The following EPM2AIP1 variants were observed in gnomAD, a reference collection of about 807,000 sequenced individuals.
EPM2AIP1 encodes the protein EPM2A interacting protein 1.
In EPM2AIP1, 23 loss-of-function variants were observed where a neutral mutation model predicts 44.8. The ratio of observed to expected loss-of-function variants is 0.51; its 90% CI spans 0.37 to 0.73. EPM2AIP1 has a LOEUF of 0.73. Ranked by LOEUF, EPM2AIP1 falls within the 30% of genes least tolerant of loss-of-function variation. The pLI, the probability that EPM2AIP1 is intolerant of heterozygous loss-of-function variation, is 0.00. For missense variants in EPM2AIP1, 652 were observed against 743.9 expected, an observed-to-expected ratio of 0.88 and a Z score of 1.44; for synonymous variants, 311 against 284.3, an observed-to-expected ratio of 1.09 and a Z score of -0.94.
At position 36,988,991 on chromosome 3, in the gene EPM2AIP1, T is replaced by TC. The variant is rs905316600; in HGVS notation, c.*2262_*2263insG. The stretch of plus-strand genomic sequence containing the variant: ...AAAATACACTTTTTTCTTTTTCTTT[T>TC]TTTTTTTTTTTTTTTACAAACAAGA... On this transcript the variant is annotated 3_prime_UTR_variant, in exon 1 of 1. Coordinates refer to ENST00000322716, the MANE Select transcript of EPM2AIP1 (RefSeq NM_014805.4). The TC allele has an allele frequency of 2.0e-5, 3 of 149,172 alleles. No individual in the cohort carries two copies. The highest frequency in any genetic ancestry group is 3.0e-5 in the Non-Finnish European group (2 of 67,208). The allele number at this position is 149,172 out of a possible 1,614,324, so 9.2% of individuals were successfully genotyped here.
chr3:36,991,731 C>A lies in EPM2AIP1; in HGVS notation c.1347G>T (p.Lys449Asn). The A allele has an allele frequency of 1.2e-6, 2 of 1,613,438 alleles. No homozygotes were observed. Among genetic ancestry groups the A allele is most frequent in the Non-Finnish European group, 1.7e-6 (2 of 1,179,766 alleles). ...EVVDELKQQN[K>N]EDEKIFDPDR... ...CAGGATCAAATATTTTTTCATCTTC[C>A]TTATTTTGCTGTTTTAGCTCATCAA... Residue 449 changes from lysine to asparagine, a missense_variant, in exon 1 of 1, where the codon AAG becomes AAT. Coordinates refer to ENST00000322716, the MANE Select transcript of EPM2AIP1 (RefSeq NM_014805.4).
rs71091694 is a variant in EPM2AIP1, at chr3:36,988,987, CTTTTTTTTTTTT to C, written c.*2255_*2266del. On this transcript the variant is annotated 3_prime_UTR_variant, in exon 1 of 1. Transcript: ENST00000322716. ...CAGTAAAATACACTTTTTTCTTTTT[CTTTTTTTTTTTT>C]TTTTTTTACAAACAAGACTAGCTTA... The C allele has an allele frequency of 6.1e-5, 7 of 115,044 alleles. No homozygotes were observed. The highest frequency in any genetic ancestry group is 9.0e-5 in the Non-Finnish European group (5 of 55,680). 7.1% of individuals were successfully genotyped at this position (115,044 alleles called of 1,614,324 possible).
In EPM2AIP1 at chr3:36,991,032, C is replaced by G; in HGVS notation, c.*222G>C. The G allele has an allele frequency of 8.1e-7, 1 of 1,236,740 alleles. No homozygotes were observed. Among genetic ancestry groups the G allele is most frequent in the Non-Finnish European group, 1.0e-6 (1 of 988,042 alleles). 76.6% of individuals were successfully genotyped at this position (1,236,740 alleles called of 1,614,324 possible). On this transcript the variant is annotated 3_prime_UTR_variant, in exon 1 of 1. Transcript: ENST00000322716. ...ATCATAAAAGACAATGACTTTGTCA[C>G]TAAACTAAGTTTTAAAAAAGGTGGC...
rs2080819146 is a variant in EPM2AIP1 at position 36,992,045 on chromosome 3, C to G, written c.1033G>C (p.Gly345Arg). 1 of 1,613,970 alleles carries G rather than the reference C, an allele frequency of 6.2e-7. No individual in the cohort carries two copies. Among genetic ancestry groups the G allele is most frequent in the Non-Finnish European group, 8.5e-7 (1 of 1,179,888 alleles). ...GAGAATATTAGTTTTAAAGTTTTCC[C>G]TCTCCTAAGCCAATTGTTCAGACAT... ...GRCLNNWLRRGKTLKLIFSLR... is the reference protein window; with the variant it reads ...GRCLNNWLRRRKTLKLIFSLR... Residue 345 changes from glycine (G) to arginine (R), a missense_variant, in exon 1 of 1, where the codon GGG (glycine) becomes CGG (arginine). Transcript: ENST00000322716. The surrounding 1 kb of genome is among the most constrained non-coding windows in gnomAD (Gnocchi z 5.3).
chr3:36,992,967 G>A lies in EPM2AIP1; in HGVS notation c.111C>T (p.Ala37=), dbSNP rs761025289. The change falls in exon 1 of 1, where the codon GCC becomes GCT. Residue 37 remains alanine (A), a synonymous_variant. Coordinates refer to ENST00000322716, the MANE Select transcript of EPM2AIP1 (RefSeq NM_014805.4). This position sits in a 1 kb window ranked among gnomAD's most constrained non-coding sequence, Gnocchi z 5.3. ...LVVEPPEGDG[A]LCLVCRRLIV... is the part of the protein sequence containing the mutation. The stretch of plus-strand genomic sequence containing the variant: ...TGAGGCGGCGACAGACCAGGCACAG[G>A]GCCCCATCGCCCTCCGGAGGCTCCA... 1 of 1,613,070 alleles carries A rather than the reference G, an allele frequency of 6.2e-7. No homozygotes were observed. Among genetic ancestry groups the A allele is most frequent in the East Asian group, 2.2e-5 (1 of 44,890 alleles).
rs1354800047 is a variant in EPM2AIP1, at chr3:36,988,997, T to C, written c.*2257A>G. ...CACTTTTTTCTTTTTCTTTTTTTTTTTTTTTTTTTACAAACAAGACTAGCT... is the reference window on the plus strand; with the variant it reads ...CACTTTTTTCTTTTTCTTTTTTTTTCTTTTTTTTTACAAACAAGACTAGCT... On this transcript the variant is annotated 3_prime_UTR_variant, in exon 1 of 1. Coordinates refer to ENST00000322716, the MANE Select transcript of EPM2AIP1 (RefSeq NM_014805.4). 1 of 150,426 alleles carries C rather than the reference T, an allele frequency of 6.6e-6. No homozygotes were observed. Among genetic ancestry groups the C allele is most frequent in the African/African-American group, 2.4e-5 (1 of 41,150 alleles). The allele number at this position is 150,426 out of a possible 1,614,324, so 9.3% of individuals were successfully genotyped here.
Position 36,989,352 on chromosome 3 carries a change from A to C in EPM2AIP1, c.*1902T>G, listed in dbSNP as rs1009788020. The C allele has an allele frequency of 6.6e-6, 1 of 151,864 alleles. No individual in the cohort carries two copies. Among genetic ancestry groups the C allele is most frequent in the Non-Finnish European group, 1.5e-5 (1 of 67,968 alleles). 9.4% of individuals were successfully genotyped at this position (151,864 alleles called of 1,614,324 possible). A position where few individuals can be genotyped will look rare whatever the true frequency, so the allele number is the denominator to read the frequency against. On this transcript the variant is annotated 3_prime_UTR_variant, in exon 1 of 1. Coordinates refer to ENST00000322716, the MANE Select transcript of EPM2AIP1 (RefSeq NM_014805.4). The stretch of plus-strand genomic sequence containing the variant: ...GATATGTAAGCTTACTCTATTAACC[A>C]AAATCTCAGCTTGACCATTCTTGAT...
At position 36,991,231 on chromosome 3, in the gene EPM2AIP1, T is replaced by A. The variant is rs750988180; in HGVS notation, c.*23A>T. The stretch of plus-strand genomic sequence containing the variant: ...TTTAGAATTAAATTCTTGTTGAGTT[T>A]TTCAATCTTGTACTACAAAGCCTTA... On this transcript the variant is annotated 3_prime_UTR_variant, in exon 1 of 1. Coordinates refer to ENST00000322716, the MANE Select transcript of EPM2AIP1 (RefSeq NM_014805.4). 2.6e-6 allele frequency: 4 copies of A among 1,521,678 alleles called. No individual in the cohort carries two copies. The African/African-American group carries it at 5.6e-5, about 21-fold the overall frequency. 94.3% of individuals were successfully genotyped at this position (1,521,678 alleles called of 1,614,324 possible).
rs754124625 is a variant in EPM2AIP1, at chr3:36,991,265, AT to A, written c.1812del (p.Glu604AspfsTer8). On this transcript the variant is annotated frameshift_variant, in exon 1 of 1. Transcript: ENST00000322716. LOFTEE classifies it high-confidence loss of function. ...TGTACTACAAAGCCTTATGGATTAG[AT>A]TCATTTCTTTCTCTCACAAGGTCAT... ...GWDDLVRERNESNP is the reference protein window; with the variant it reads ...GWDDLVRERNXSNP The A allele has an allele frequency of 5.6e-6, 9 of 1,604,996 alleles. No homozygotes were observed. In the Middle Eastern group the frequency reaches 1.0e-3, roughly 178 times the overall value.
At position 36,989,234 on chromosome 3, in the gene EPM2AIP1, T is replaced by C. The variant is rs1257121401; in HGVS notation, c.*2020A>G. The C allele has an allele frequency of 6.6e-6, 1 of 151,880 alleles. No individual in the cohort carries two copies. Among genetic ancestry groups the C allele is most frequent in the Non-Finnish European group, 1.5e-5 (1 of 67,926 alleles). The allele number at this position is 151,880 out of a possible 1,614,324, so 9.4% of individuals were successfully genotyped here. A position where few individuals can be genotyped will look rare whatever the true frequency, so the allele number is the denominator to read the frequency against. Reference sequence around the variant, plus strand: ...GTCTTCCAGTCTTTCTCTCAAGTAATAAAGCTCTGCTGTGAATATTCAAAG... The same window carrying C: ...GTCTTCCAGTCTTTCTCTCAAGTAACAAAGCTCTGCTGTGAATATTCAAAG... On this transcript the variant is annotated 3_prime_UTR_variant, in exon 1 of 1. Transcript: ENST00000322716.
In EPM2AIP1 at chr3:36,985,350, T is replaced by C. The variant is rs1248836539; in HGVS notation, c.*5904A>G. The stretch of plus-strand genomic sequence containing the variant: ...GACACCTACTGAAGTGCTAGAAATA[T>C]TCTATATTTTGACCTGGGTGGTGCA... On this transcript the variant is annotated 3_prime_UTR_variant, in exon 1 of 1. Transcript: ENST00000322716. The C allele has an allele frequency of 1.3e-5, 2 of 152,170 alleles. No homozygotes were observed. The highest frequency in any genetic ancestry group is 4.8e-5 in the African/African-American group (2 of 41,432). The allele number at this position is 152,170 out of a possible 1,614,324, so 9.4% of individuals were successfully genotyped here.
Position 36,992,623 on chromosome 3 carries a change from T to C in EPM2AIP1, c.455A>G (p.Gln152Arg), listed in dbSNP as rs767009328. 5 of 1,613,952 alleles carry C rather than the reference T, an allele frequency of 3.1e-6. No homozygotes were observed. The highest frequency in any genetic ancestry group is 1.3e-5 in the African/African-American group (1 of 74,946). ...ATTCCTGTCAATGCTCAGGATCCTC[T>C]GCCTTGTGATATCTGGAGATAAGTC... is the stretch of plus-strand genomic sequence containing the variant. ...GVDLSPDITR[Q>R]RILSIDRNLR... is the part of the protein sequence containing the mutation. The change falls in exon 1 of 1, where the codon CAG (glutamine) becomes CGG (arginine). Residue 152 changes from glutamine (Q) to arginine (R), a missense_variant. Physicochemically the swap from Gln to Arg is conservative, Grantham distance 43 (BLOSUM62 1). Coordinates refer to ENST00000322716, the MANE Select transcript of EPM2AIP1 (RefSeq NM_014805.4). The surrounding 1 kb of genome is among the most constrained non-coding windows in gnomAD (Gnocchi z 5.3).
rs1194013735 is a variant in EPM2AIP1 at position 36,987,442 on chromosome 3, AAAAT to A, written c.*3808_*3811del. 2 of 127,770 alleles carry A rather than the reference AAAAT, an allele frequency of 1.6e-5. No individual in the cohort carries two copies. The highest frequency in any genetic ancestry group is 3.4e-5 in the Non-Finnish European group (2 of 59,554). 7.9% of individuals were successfully genotyped at this position (127,770 alleles called of 1,614,324 possible). On this transcript the variant is annotated 3_prime_UTR_variant, in exon 1 of 1. Transcript: ENST00000322716. ...CCTTTGGAAATTTAAAAAAAAAAAAAAAATATATATATATATATGACACTGTTTA... is the reference window on the plus strand; with the variant it reads ...CCTTTGGAAATTTAAAAAAAAAAAAAATATATATATATATGACACTGTTTA...
In EPM2AIP1 at chr3:36,989,394, T is replaced by C. The variant is rs1029274852; in HGVS notation, c.*1860A>G. The stretch of plus-strand genomic sequence containing the variant: ...ATTCTTGATAAGTACCTAATCGACA[T>C]GTAACTTTTTTTCTGCCTTAAATAT... On this transcript the variant is annotated 3_prime_UTR_variant, in exon 1 of 1. Coordinates refer to ENST00000322716, the MANE Select transcript of EPM2AIP1 (RefSeq NM_014805.4). 4.6e-5 allele frequency: 7 copies of C among 152,012 alleles called. No homozygotes were observed. Among genetic ancestry groups the C allele is most frequent in the East Asian group, 1.9e-4 (1 of 5,192 alleles). 9.4% of individuals were successfully genotyped at this position (152,012 alleles called of 1,614,324 possible). A position where few individuals can be genotyped will look rare whatever the true frequency, so the allele number is the denominator to read the frequency against.
chr3:36,990,537 G>C lies in EPM2AIP1; in HGVS notation c.*717C>G, dbSNP rs894248686. ...AGGCAAGCTGATAAAATAGCCCCCA[G>C]TTATTAAAAAAAAAATCCAAGGAAA... On this transcript the variant is annotated 3_prime_UTR_variant, in exon 1 of 1. Coordinates refer to ENST00000322716, the MANE Select transcript of EPM2AIP1 (RefSeq NM_014805.4). The C allele has an allele frequency of 2.7e-5, 27 of 984,112 alleles. No homozygotes were observed. Among genetic ancestry groups the C allele is most frequent in the Non-Finnish European group, 1.3e-5 (11 of 829,480 alleles). The allele number at this position is 984,112 out of a possible 1,614,324, so 61.0% of individuals were successfully genotyped here.
Position 36,993,123 on chromosome 3 carries a change from A to G in EPM2AIP1, c.-46T>C. The G allele has an allele frequency of 6.5e-7, 1 of 1,550,206 alleles. No homozygotes were observed. The highest frequency in any genetic ancestry group is 1.4e-5 in the African/African-American group (1 of 72,958). ...CAGGGCCAACGTTAGAAAGGCCGCA[A>G]GGGGAGAGGAGGAGCCTGAGAAGCG... On this transcript the variant is annotated 5_prime_UTR_variant, in exon 1 of 1. Coordinates refer to ENST00000322716, the MANE Select transcript of EPM2AIP1 (RefSeq NM_014805.4).
Position 36,992,693 on chromosome 3 carries a change from G to C in EPM2AIP1, c.385C>G (p.Leu129Val). The C allele has an allele frequency of 1.2e-6, 2 of 1,613,910 alleles. No homozygotes were observed. Among genetic ancestry groups the C allele is most frequent in the Non-Finnish European group, 1.7e-6 (2 of 1,179,884 alleles). Reference sequence around the variant, plus strand: ...ACATGCTCGGGCAGTACCTCTCTCAGCAACACCTCCATGCACTGGTATACA... The same window carrying C: ...ACATGCTCGGGCAGTACCTCTCTCACCAACACCTCCATGCACTGGTATACA... ...DFVYQCMEVLLREVLPEHVSV... is the reference protein window; with the variant it reads ...DFVYQCMEVLVREVLPEHVSV... The change falls in exon 1 of 1, where the codon CTG becomes GTG. Residue 129 changes from leucine to valine, a missense_variant. Transcript: ENST00000322716. This position sits in a 1 kb window ranked among gnomAD's most constrained non-coding sequence, Gnocchi z 5.3.
rs2080794824 is a variant in EPM2AIP1, at chr3:36,990,319, T to A, written c.*935A>T. 7.9e-6 allele frequency: 5 copies of A among 629,378 alleles called. No homozygotes were observed. The highest frequency in any genetic ancestry group is 6.3e-5 in the Admixed American group (1 of 15,804). The allele number at this position is 629,378 out of a possible 1,614,324, so 39.0% of individuals were successfully genotyped here. A position where few individuals can be genotyped will look rare whatever the true frequency, so the allele number is the denominator to read the frequency against. Reference sequence around the variant, plus strand: ...AGTGTTTACTTTAGGCAGGATTTTTTAAAATAAAGCAGCAATACCCACGCA... The same window carrying A: ...AGTGTTTACTTTAGGCAGGATTTTTAAAAATAAAGCAGCAATACCCACGCA... On this transcript the variant is annotated 3_prime_UTR_variant, in exon 1 of 1. Transcript: ENST00000322716.
At position 36,987,489 on chromosome 3, in the gene EPM2AIP1, TAA is replaced by T. The variant is rs1409148890; in HGVS notation, c.*3763_*3764del. On this transcript the variant is annotated 3_prime_UTR_variant, in exon 1 of 1. Transcript: ENST00000322716. ...ACTGTTTACAAAGGGTAAAAAAAAA[TAA>T]GATTCTATACATGGATATGCAAACT... 6 of 148,562 alleles carry T rather than the reference TAA, an allele frequency of 4.0e-5. No individual in the cohort carries two copies. Among genetic ancestry groups the T allele is most frequent in the African/African-American group, 1.5e-4 (6 of 40,484 alleles). 9.2% of individuals were successfully genotyped at this position (148,562 alleles called of 1,614,324 possible). A position where few individuals can be genotyped will look rare whatever the true frequency, so the allele number is the denominator to read the frequency against.
Sources: gnomAD v4.1 joint callset for allele counts on GRCh38, gnomAD v4.1.1 for gene constraint, Gnocchi (gnomAD v3.1) non-coding constraint, MANE v1.5 for transcripts, NCBI Gene and HGNC (gene_info 2026-07-23, HGNC 2026-07-21) for gene names.